The following NLGN4Y variants were observed in gnomAD, a reference collection of about 807,000 sequenced individuals.
The protein encoded by NLGN4Y is neuroligin-4, Y-linked.
A neutral mutation model predicts 8.4 loss-of-function variants in NLGN4Y; 4 were observed. The ratio of observed to expected loss-of-function variants is 0.48; its 90% CI spans 0.23 to 1.09. The LOEUF is 1.09. Ranked by LOEUF, NLGN4Y falls within the 50% of genes least tolerant of loss-of-function variation. NLGN4Y has a pLI of 0.19. For missense variants in NLGN4Y, 90 were observed against 192.3 expected, an observed-to-expected ratio of 0.47 and a Z score of 3.15; for synonymous variants, 35 against 75.6, an observed-to-expected ratio of 0.46 and a Z score of 2.78.
Position 14,843,251 on chromosome Y carries a change from A to C in NLGN4Y, c.*1989A>C, listed in dbSNP as rs764732562. The C allele has an allele frequency of 5.0e-5, 6 of 120,254 alleles. No individual in the cohort carries two copies. Among genetic ancestry groups the C allele is most frequent in the African/African-American group, 1.9e-4 (2 of 10,547 alleles). 30.0% of individuals were successfully genotyped at this position (120,254 alleles called of 400,897 possible). On this transcript the variant is annotated 3_prime_UTR_variant, in exon 7 of 7. Coordinates refer to ENST00000684976, the MANE Select transcript of NLGN4Y (RefSeq NM_001365588.1). The stretch of plus-strand genomic sequence containing the variant: ...GGGTTAAATTTGAAAGCAATTCTCT[A>C]TATATAAATATGTGAAATATTATGA...
At chrY:14,802,746 A>T in intron 4 of NLGN4Y, among the ~76,000 whole-genome samples, 2 of 23,540 alleles carry the variant, frequency 8.5e-5, no homozygotes, top group African/African-American at 1.7e-4. Context: ...GTAATTATAT[A>T]TTATACATTA....
chrY:14,588,666 C>A (rs2080349167), intron 1 of NLGN4Y, among the ~76,000 whole-genome samples: 1 of 33,513 alleles, frequency 3.0e-5, no homozygotes. Flanking sequence ...CAAACACATA[C>A]CATAGAATGT....
At chrY:14,543,107 A>G in intron 1 of NLGN4Y, among the ~76,000 whole-genome samples, 1 of 33,451 alleles carries the variant, frequency 3.0e-5, no homozygotes, top group East Asian at 7.8e-4. Flanking sequence ...CGTTCTGCAT[A>G]TGTACCCCAG....
At chrY:14,822,255 G>A in intron 4 of NLGN4Y, among the ~76,000 whole-genome samples, 1 of 33,886 alleles carries the variant, frequency 3.0e-5, no homozygotes, top group African/African-American at 1.1e-4. Context: ...CATTTCCCTT[G>A]GCAAGCTTAC....
At position 14,622,317 on chromosome Y, in the gene NLGN4Y, C is replaced by A. The variant is rs758871175; in HGVS notation, c.198C>A (p.Ile66=). The A allele has an allele frequency of 2.5e-5, 10 of 397,170 alleles. No homozygotes were observed. The highest frequency in any genetic ancestry group is 2.3e-4 in the Admixed American group (3 of 13,210). ...TAAGAACACCATTACCCAGTGAGAT[C>A]TTGGGTCCAGTGGAGCAGTACTTAG... is the stretch of plus-strand genomic sequence containing the variant. ...QGLRTPLPSE[I]LGPVEQYLGV... The change falls in exon 2 of 7, where the codon ATC becomes ATA. Residue 66 remains isoleucine, a synonymous_variant. Coordinates refer to ENST00000684976, the MANE Select transcript of NLGN4Y (RefSeq NM_001365588.1).
chrY:14,588,745 G>A (rs369458131), intron 1 of NLGN4Y, among the ~76,000 whole-genome samples: 796 of 33,104 alleles, frequency 0.024, no homozygotes, highest in Middle Eastern at 0.096. Flanking sequence ...GCGGACCCTC[G>A]CGGTGAGTGT....
chrY:14,679,462 TAAAC>T (rs2080761265), intron 2 of NLGN4Y, among the ~76,000 whole-genome samples: 2 of 33,221 alleles, frequency 6.0e-5, no homozygotes, highest in Non-Finnish European at 1.5e-4. Context: ...TATAAAAAAA[TAAAC>T]AAGTTATAAA....
chrY:14,584,492 G>A (rs2080331392), intron 1 of NLGN4Y, among the ~76,000 whole-genome samples: 4 of 32,724 alleles, frequency 1.2e-4, no homozygotes, highest in African/African-American at 3.6e-4. Context: ...GATAAGACTC[G>A]TATGAGATAG....
chrY:14,785,742 C>A (rs2042962542), intron 4 of NLGN4Y, among the ~76,000 whole-genome samples: 1 of 19,113 alleles, frequency 5.2e-5, no homozygotes, highest in South Asian at 1.3e-3. Context: ...CCAGCCTGGG[C>A]GACAGAGCGA....
chrY:14,666,880 T>A (rs2080693363), intron 2 of NLGN4Y, among the ~76,000 whole-genome samples: 1 of 32,156 alleles, frequency 3.1e-5, no homozygotes. Flanking sequence ...ATAGGTGGAG[T>A]TTAGGGTAAG....
chrY:14,570,648 G>C (rs2150479874), intron 1 of NLGN4Y, among the ~76,000 whole-genome samples: 1 of 32,007 alleles, frequency 3.1e-5, no homozygotes, highest in South Asian at 7.3e-4. Context: ...ACAACGTGCA[G>C]GTTTGGTACA....
intron 4 of NLGN4Y, 127 bp from the exon 5 acceptor site, chrY:14,824,061 T>C (rs2043133825): frequency 4.8e-6 from 1 of 207,727 alleles, no homozygotes; most frequent in African/African-American, 8.1e-5. Context: ...GTTTTTCCTC[T>C]AATTTGTGGG....
chrY:14,587,236 G>A, intron 1 of NLGN4Y, among the ~76,000 whole-genome samples: 1 of 34,031 alleles, frequency 2.9e-5, no homozygotes, highest in South Asian at 6.5e-4. Context: ...ATCTATAATT[G>A]TTTATTTTGT....
chrY:14,617,150 C>T (rs1023835762), intron 1 of NLGN4Y, among the ~76,000 whole-genome samples: 1 of 31,829 alleles, frequency 3.1e-5, no homozygotes, highest in Non-Finnish European at 7.6e-5. Flanking sequence ...TATATATTTA[C>T]GATAGTTAGC....
intron 1 of NLGN4Y, among the ~76,000 whole-genome samples, chrY:14,613,231 C>T: frequency 9.2e-5 from 3 of 32,656 alleles, no homozygotes; most frequent in East Asian, 8.1e-4. Context: ...TACTGGGCTC[C>T]GAGAGGGTGA....
At chrY:14,642,922 G>T (rs2080595761) in intron 2 of NLGN4Y, among the ~76,000 whole-genome samples, 2 of 33,536 alleles carry the variant, frequency 6.0e-5, no homozygotes, top group Non-Finnish European at 1.5e-4. Context: ...GTGTCCTCAG[G>T]TTTAATCATT....
intron 2 of NLGN4Y, among the ~76,000 whole-genome samples, chrY:14,643,588 G>A: frequency 3.0e-5 from 1 of 33,127 alleles, no homozygotes; most frequent in South Asian, 6.9e-4. Flanking sequence ...TCAGCTGGTG[G>A]CAAATTAGAG....
intron 1 of NLGN4Y, among the ~76,000 whole-genome samples, chrY:14,533,252 T>A: frequency 3.0e-5 from 1 of 33,509 alleles, no homozygotes; most frequent in Non-Finnish European, 7.4e-5. Flanking sequence ...CCTTTTTTTT[T>A]AACATATGGT....
At chrY:14,791,296 A>G in intron 4 of NLGN4Y, among the ~76,000 whole-genome samples, 7 of 33,303 alleles carry the variant, frequency 2.1e-4, no homozygotes, top group African/African-American at 3.5e-4. Context: ...GACCCTAACT[A>G]ATGACTGGAT....
Sources: allele counts gnomAD v4.1 joint callset (sites outside exome capture counted in the v4.1 genomes callset), GRCh38; gene constraint gnomAD v4.1.1; transcripts MANE v1.5; gene names NCBI Gene and HGNC (gene_info 2026-07-23, HGNC 2026-07-21).